The following ZCCHC4 variants were observed in gnomAD, a reference collection of about 807,000 sequenced individuals.
ZCCHC4 encodes the protein rRNA N(6)-adenosine-methyltransferase ZCCHC4.
Under a neutral mutation model 67.7 loss-of-function variants are expected in ZCCHC4, and 54 were observed. The ratio of observed to expected loss-of-function variants is 0.80; its 90% CI spans 0.64 to 1.00. ZCCHC4 has a LOEUF of 1.00. Among genes scored for constraint, ZCCHC4 ranks in the 50% least tolerant of loss-of-function variants. The pLI is 0.00. For missense variants in ZCCHC4, 609 were observed against 617.0 expected (o/e 0.99, Z 0.14); for synonymous variants, 198 against 213.5 (o/e 0.93, Z 0.63).
intron 3 of ZCCHC4, among the ~76,000 whole-genome samples, chr4:25,319,144 G>T (rs927070350): frequency 6.6e-6 from 1 of 152,208 alleles, no homozygotes; most frequent in Non-Finnish European, 1.5e-5. Flanking sequence ...AGCACTTTGG[G>T]AGGCCTAGGC....
rs911234930 is a variant in ZCCHC4, at chr4:25,351,631, A to G, written c.953A>G (p.Tyr318Cys). Residue 318 changes from tyrosine (Y) to cysteine (C), a missense_variant, in exon 8 of 13, where the codon TAT becomes TGT. Transcript: ENST00000302874. ...KELPIFWIFP[Y>C]FFESRICQFF... ...CTACCCATTTTCTGGATTTTCCCCT[A>G]TTTTTTTGAATCCCGAATTTGTCAG... 3 of 1,612,140 alleles carry G rather than the reference A, an allele frequency of 1.9e-6. No individual in the cohort carries two copies. In the South Asian group the frequency reaches 3.3e-5, roughly 18 times the overall value.
intron 5 of ZCCHC4, among the ~76,000 whole-genome samples, chr4:25,338,301 C>G (rs753654300): frequency 3.3e-5 from 5 of 152,154 alleles, no homozygotes; most frequent in Non-Finnish European, 5.9e-5. Flanking sequence ...ACCTTGTTGC[C>G]CAAGATAGTC....
chr4:25,362,129 T>A, intron 9 of ZCCHC4, 97 bp from the exon 10 acceptor site: 1 of 1,442,132 alleles, frequency 6.9e-7, no homozygotes, highest in Non-Finnish European at 9.4e-7. Context: ...TGAATTCAGA[T>A]TGCACCCAGT....
intron 8 of ZCCHC4, among the ~76,000 whole-genome samples, chr4:25,360,448 G>A (rs1720686125): frequency 6.6e-6 from 1 of 152,218 alleles, no homozygotes; most frequent in African/African-American, 2.4e-5. Flanking sequence ...AGGGAGCTGA[G>A]CCCCGTTGTT....
chr4:25,349,254 A>T (rs1418654780), intron 6 of ZCCHC4, among the ~76,000 whole-genome samples: 1 of 152,152 alleles, frequency 6.6e-6, no homozygotes, highest in Admixed American at 6.6e-5. Context: ...TAGTCTTCTG[A>T]TAGTGATGGT....
chr4:25,348,871 A>G (rs1012707466), intron 6 of ZCCHC4, among the ~76,000 whole-genome samples: 17 of 152,228 alleles, frequency 1.1e-4, no homozygotes, highest in African/African-American at 3.1e-4. Context: ...TTTACTTTGC[A>G]ATTACTAAAA....
intron 5 of ZCCHC4, among the ~76,000 whole-genome samples, chr4:25,345,334 T>C (rs1290866115): frequency 6.6e-6 from 1 of 152,202 alleles, no homozygotes; most frequent in African/African-American, 2.4e-5. Flanking sequence ...TATTCTTTGG[T>C]TTTACTACTG....
intron 3 of ZCCHC4, among the ~76,000 whole-genome samples, chr4:25,318,254 ACT>A (rs1718376957): frequency 6.7e-6 from 1 of 149,606 alleles, no homozygotes; most frequent in African/African-American, 2.5e-5. Context: ...ATTTAATTAA[ACT>A]CTGTAAGAAA....
intron 6 of ZCCHC4, among the ~76,000 whole-genome samples, 167 bp downstream of exon 6, chr4:25,345,787 G>A (rs1719980289): frequency 6.6e-6 from 1 of 152,176 alleles, no homozygotes; most frequent in Admixed American, 6.5e-5. Flanking sequence ...ACCTAGAGGT[G>A]ATTTTATTAT....
At chr4:25,326,903 C>T (rs6856277) in intron 3 of ZCCHC4, among the ~76,000 whole-genome samples, 66,273 of 152,032 alleles carry the variant, frequency 0.44, 16,381 homozygotes, top group Non-Finnish European at 0.56. Context: ...ACTGCAGTTA[C>T]ACATCTTTTG....
intron 3 of ZCCHC4, among the ~76,000 whole-genome samples, chr4:25,332,338 A>G (rs1719227615): frequency 6.7e-6 from 1 of 150,290 alleles, no homozygotes; most frequent in Admixed American, 6.7e-5. Context: ...TTCCCAAACT[A>G]TAAGGATTGT....
At chr4:25,314,587 C>T (rs1334733165) in intron 2 of ZCCHC4, among the ~76,000 whole-genome samples, 1 of 152,094 alleles carries the variant, frequency 6.6e-6, no homozygotes, top group Non-Finnish European at 1.5e-5. Context: ...AGAGGGTCAT[C>T]CTTTCTTTAT....
chr4:25,323,563 A>G (rs10001797), intron 3 of ZCCHC4, among the ~76,000 whole-genome samples: 65,283 of 152,042 alleles, frequency 0.43, 16,169 homozygotes, highest in Non-Finnish European at 0.56. Context: ...TAGAATTTAA[A>G]TCCAGACCCA....
intron 7 of ZCCHC4, 30 bp downstream of exon 7, chr4:25,349,672 C>T: frequency 1.2e-6 from 2 of 1,601,790 alleles, no homozygotes; most frequent in Non-Finnish European, 8.5e-7. Context: ...AAAATAAATA[C>T]ATATCTATAT....
chr4:25,351,619 G>T lies in ZCCHC4; in HGVS notation c.941G>T (p.Trp314Leu). ...AGTCACAAAGAACTACCCATTTTCT[G>T]GATTTTCCCCTATTTTTTTGAATCC... is the stretch of plus-strand genomic sequence containing the variant. The part of the protein sequence containing the change: ...DDSHKELPIF[W>L]IFPYFFESRI... Residue 314 changes from tryptophan to leucine, a missense_variant, in exon 8 of 13, where the codon TGG becomes TTG. Transcript: ENST00000302874. 1 of 1,611,222 alleles carries T rather than the reference G, an allele frequency of 6.2e-7. No homozygotes were observed. Among genetic ancestry groups the T allele is most frequent in the Non-Finnish European group, 8.5e-7 (1 of 1,178,752 alleles).
intron 11 of ZCCHC4, 112 bp downstream of exon 11, chr4:25,364,617 C>A: frequency 2.1e-6 from 2 of 959,160 alleles, no homozygotes; most frequent in Non-Finnish European, 1.6e-6. Context: ...AGTGTAGAGA[C>A]TTGTAATTTA....
rs1721054142 is a variant in ZCCHC4 at position 25,369,127 on chromosome 4, A to G, written c.1505A>G (p.Lys502Arg). The G allele has an allele frequency of 2.5e-6, 4 of 1,613,918 alleles. No homozygotes were observed. Among genetic ancestry groups the G allele is most frequent in the Non-Finnish European group, 3.4e-6 (4 of 1,179,914 alleles). Residue 502 changes from lysine (K) to arginine (R), a missense_variant, in exon 13 of 13, where the codon AAA (lysine) becomes AGA (arginine). Transcript: ENST00000302874. ...MNHTSATRRK[K>R]RRERAHQYLG... ...CATACATCTGCTACAAGGAGAAAGA[A>G]AAGGAGGGAAAGAGCCCATCAATAT...
intron 5 of ZCCHC4, among the ~76,000 whole-genome samples, chr4:25,337,333 C>T (rs1444165103): frequency 6.6e-6 from 1 of 152,208 alleles, no homozygotes; most frequent in East Asian, 1.9e-4. Context: ...CTCTCTCCAC[C>T]TCTCATTCTG....
intron 10 of ZCCHC4, among the ~76,000 whole-genome samples, chr4:25,363,228 GT>G: frequency 6.6e-6 from 1 of 152,074 alleles, no homozygotes; most frequent in East Asian, 1.9e-4. Flanking sequence ...TGTCTCTATA[GT>G]TTTTCCTTTT....
Sources: allele counts gnomAD v4.1 joint callset (sites outside exome capture counted in the v4.1 genomes callset), GRCh38; gene constraint gnomAD v4.1.1; transcripts MANE v1.5; gene names NCBI Gene and HGNC (gene_info 2026-07-23, HGNC 2026-07-21).